Variants in ACACB observed in about 807,000 individuals in gnomAD.
ACACB encodes acetyl-CoA carboxylase 2.
In ACACB, 209 loss-of-function variants were observed where a neutral mutation model predicts 278.8. That is an observed-to-expected ratio of 0.75 (90% CI 0.67 to 0.84). The LOEUF (loss-of-function observed/expected upper bound fraction) is 0.84, where lower values mean the gene tolerates loss of function less well. Ranked by LOEUF, ACACB falls within the 40% of genes least tolerant of loss-of-function variation. The pLI is 0.00. For missense variants in ACACB, 2,850 were observed against 3,269.0 expected, an observed-to-expected ratio of 0.87 and a Z score of 3.13; for synonymous variants, 1,174 against 1,285.6, an observed-to-expected ratio of 0.91 and a Z score of 1.86.
At chr12:109,199,602 C>T (rs753995683) in intron 18 of ACACB, 50 bp downstream of exon 18, 2 of 1,365,098 alleles carry the variant, frequency 1.5e-6, no homozygotes, top group African/African-American at 3.0e-5. Context: ...AACTCCCACT[C>T]TTCTGGCTTT....
At chr12:109,251,460 G>C (rs1394861680) in intron 41 of ACACB, among the ~76,000 whole-genome samples, 1 of 152,136 alleles carries the variant, frequency 6.6e-6, no homozygotes, top group East Asian at 1.9e-4. Flanking sequence ...GAAAATGTTG[G>C]TCATAAGCAT....
rs978252910 is a variant in ACACB at position 109,232,539 on chromosome 12, C to T, written c.4002-130C>T. 25 of 1,167,810 alleles carry T rather than the reference C, an allele frequency of 2.1e-5. No homozygotes were observed. In the African/African-American group the frequency reaches 2.5e-4, roughly 12 times the overall value. 72.3% of individuals were successfully genotyped at this position (1,167,810 alleles called of 1,614,324 possible). A position where few individuals can be genotyped will look rare whatever the true frequency, so the allele number is the denominator to read the frequency against. On this transcript the variant is annotated intron_variant, in intron 28 of 52. Transcript: ENST00000338432. ...GCCCCAGCCATTGTCTCATCCCCTGCCCATTTTAAGCCCCCATTTGGAAGA... is the reference window on the plus strand; with the variant it reads ...GCCCCAGCCATTGTCTCATCCCCTGTCCATTTTAAGCCCCCATTTGGAAGA...
At chr12:109,230,619 G>T (rs1384619828) in intron 28 of ACACB, among the ~76,000 whole-genome samples, 1 of 152,064 alleles carries the variant, frequency 6.6e-6, no homozygotes, top group Non-Finnish European at 1.5e-5. Context: ...TGCAGAGATG[G>T]GGGTCTCACT....
At chr12:109,162,929 T>G (rs1274577967) in intron 2 of ACACB, among the ~76,000 whole-genome samples, 1 of 152,134 alleles carries the variant, frequency 6.6e-6, no homozygotes, top group African/African-American at 2.4e-5. Context: ...TTTCTTTTTC[T>G]TTTTCTTTTT....
rs1162210340 is a variant in ACACB, at chr12:109,262,971, T to A, written c.6787+502T>A. ...AACATTATATATATATATATATATA[T>A]ATATATATATATTGCCATCGTGAAT... is the stretch of plus-strand genomic sequence containing the variant. On this transcript the variant is annotated intron_variant, in intron 49 of 52. Transcript: ENST00000338432. 1.3e-3 allele frequency: 171 copies of A among 135,558 alleles called. 7 individuals carry two copies. The highest frequency in any genetic ancestry group is 1.5e-3 in the Non-Finnish European group (94 of 61,684). The allele number at this position is 135,558 out of a possible 1,614,324, so 8.4% of individuals were successfully genotyped here.
intron 50 of ACACB, among the ~76,000 whole-genome samples, 167 bp downstream of exon 50, chr12:109,264,553 T>A (rs1324616406): frequency 6.6e-6 from 1 of 152,066 alleles, no homozygotes; most frequent in Non-Finnish European, 1.5e-5. Flanking sequence ...GATCCCCAGG[T>A]GGCACTGCAG....
chr12:109,206,785 C>T lies in ACACB; in HGVS notation c.2989C>T (p.His997Tyr). ...ILGEKLHQVF[H>Y]SVLENLTNVM... ...CGGAGAGAAACTGCACCAGGTCTTCCACAGCGTCCTGGAAAACCTCACCAA... is the reference window on the plus strand; with the variant it reads ...CGGAGAGAAACTGCACCAGGTCTTCTACAGCGTCCTGGAAAACCTCACCAA... The change falls in exon 20 of 53, where the codon CAC becomes TAC. Residue 997 changes from histidine to tyrosine, a missense_variant. By Grantham distance (83) the His-to-Tyr change is moderately conservative. Transcript: ENST00000338432. The T allele has an allele frequency of 6.2e-7, 1 of 1,614,158 alleles. No homozygotes were observed. The highest frequency in any genetic ancestry group is 1.1e-5 in the South Asian group (1 of 91,082).
At chr12:109,240,105 T>A (rs2046752393) in intron 35 of ACACB, 120 bp downstream of exon 35, 1 of 1,187,024 alleles carries the variant, frequency 8.4e-7, no homozygotes. Context: ...CATGCGTATC[T>A]GAGCCTCAGT....
chr12:109,247,752 A>T, intron 40 of ACACB, 49 bp downstream of exon 40: 1 of 1,448,414 alleles, frequency 6.9e-7, no homozygotes, highest in Middle Eastern at 1.9e-4. Flanking sequence ...GGTTAATTTC[A>T]GCTGTCTTCT....
At chr12:109,214,544 A>G (rs76702034) in intron 22 of ACACB, among the ~76,000 whole-genome samples, 6,729 of 152,300 alleles carry the variant, frequency 0.044, 238 homozygotes, top group South Asian at 0.083. Context: ...ATCTAGGAAA[A>G]ATGAACCATT....
At chr12:109,179,366 T>C in intron 10 of ACACB, 69 bp downstream of exon 10, 1 of 1,506,222 alleles carries the variant, frequency 6.6e-7, no homozygotes, top group South Asian at 1.2e-5. Flanking sequence ...GGAAGAACTT[T>C]CTACGGTCAG....
At chr12:109,237,133 G>A in intron 33 of ACACB, 32 bp from the exon 34 acceptor site, 1 of 1,610,040 alleles carries the variant, frequency 6.2e-7, no homozygotes, top group East Asian at 2.2e-5. Context: ...GTGTGTGTAT[G>A]TGTCTGTCTT....
Position 109,254,351 on chromosome 12 carries a change from T to A in ACACB, c.6166+17T>A. 1 of 1,606,984 alleles carries A rather than the reference T, an allele frequency of 6.2e-7. No individual in the cohort carries two copies. The highest frequency in any genetic ancestry group is 8.5e-7 in the Non-Finnish European group (1 of 1,177,740). ...CTCACCCAAGTAAGTTCTAAAGTATTTTGCCTAGGACCTGGTCTCGGGTTT... is the reference window on the plus strand; with the variant it reads ...CTCACCCAAGTAAGTTCTAAAGTATATTGCCTAGGACCTGGTCTCGGGTTT... On this transcript the variant is annotated intron_variant, in intron 44 of 52. Transcript: ENST00000338432.
At chr12:109,200,465 T>C (rs891868708) in intron 18 of ACACB, among the ~76,000 whole-genome samples, 2 of 152,178 alleles carry the variant, frequency 1.3e-5, no homozygotes, top group African/African-American at 4.8e-5. Context: ...ATTGCAGGCA[T>C]GAGCCACTGC....
At chr12:109,228,776 A>G (rs772860971) in intron 28 of ACACB, among the ~76,000 whole-genome samples, 1 of 152,168 alleles carries the variant, frequency 6.6e-6, no homozygotes, top group Non-Finnish European at 1.5e-5. Context: ...CTAGTAGACA[A>G]TGCCACCCAA....
At chr12:109,229,697 T>A (rs1048074981) in intron 28 of ACACB, among the ~76,000 whole-genome samples, 2 of 151,892 alleles carry the variant, frequency 1.3e-5, no homozygotes, top group African/African-American at 4.8e-5. Flanking sequence ...GCCCCACTAC[T>A]TTTTTTTGTA....
intron 47 of ACACB, chr12:109,260,149 T>C (rs757915716): frequency 1.4e-6 from 2 of 1,401,372 alleles, no homozygotes. Context: ...TCAGTGTGAC[T>C]GTTAGTGAGG....
chr12:109,172,381 ATGGGAATTGGGGTATTGC>A (rs755507062), intron 6 of ACACB, 25 bp downstream of exon 6: 5 of 1,607,736 alleles, frequency 3.1e-6, no homozygotes, highest in Non-Finnish European at 4.3e-6. Flanking sequence ...CATCAGATAC[ATGGGAATTGGGGTATTGC>A]TGGGACACTC....
At chr12:109,163,591 C>T (rs940217049) in intron 2 of ACACB, among the ~76,000 whole-genome samples, 3 of 151,850 alleles carry the variant, frequency 2.0e-5, no homozygotes, top group Admixed American at 2.0e-4. Flanking sequence ...AATAGGACTT[C>T]GGGAAAAAAT....
Sources: gnomAD v4.1 joint callset for allele counts (sites outside exome capture counted in the v4.1 genomes callset) on GRCh38, gnomAD v4.1.1 for gene constraint, MANE v1.5 for transcripts, NCBI Gene and HGNC (gene_info 2026-07-23, HGNC 2026-07-21) for gene names.